Variants in BCKDK observed in about 807,000 individuals in gnomAD.
The protein encoded by BCKDK is branched-chain alpha-ketoacid dehydrogenase kinase.
BCKDK carries 28 observed loss-of-function variants against 43.9 expected under a neutral mutation model. The observed-to-expected ratio is 0.64, with a 90% CI of 0.47 to 0.87. The LOEUF (loss-of-function observed/expected upper bound fraction) is 0.87, where lower values mean the gene tolerates loss of function less well. BCKDK is among the 40% of genes least tolerant of loss of function. The pLI, the probability that BCKDK is intolerant of heterozygous loss-of-function variation, is 0.00. For synonymous variants in BCKDK, 257 were observed against 234.3 expected (o/e 1.10, Z -0.88); for missense variants, 483 against 581.4 (o/e 0.83, Z 1.74).
At position 31,112,429 on chromosome 16, in the gene BCKDK, C is replaced by A. The variant is rs1425360691; in HGVS notation, c.*164C>A. The A allele has an allele frequency of 3.4e-6, 4 of 1,189,228 alleles. No homozygotes were observed. The highest frequency in any genetic ancestry group is 4.8e-6 in the Non-Finnish European group (4 of 830,652). The allele number at this position is 1,189,228 out of a possible 1,614,324, so 73.7% of individuals were successfully genotyped here. ...GGAGCTGGGCACTGCCCTGCCTCAA[C>A]AGGGTCCATTGCCTCCTCGCCTCCA... On this transcript the variant is annotated 3_prime_UTR_variant, in exon 12 of 12. Coordinates refer to ENST00000219794, the MANE Select transcript of BCKDK (RefSeq NM_005881.4). The surrounding 1 kb of genome is among the most constrained non-coding windows in gnomAD (Gnocchi z 5.0).
chr16:31,110,494 G>A lies in BCKDK; in HGVS notation c.637G>A (p.Asp213Asn), dbSNP rs1419499919. ...CACGCATCACCTGGCGCTGCATGAG[G>A]ACAAGGTGGGGCTCTGGGACCTGAG... ...LATHHLALHE[D>N]KPDFVGIICT... Residue 213 changes from aspartate (D) to asparagine (N), a missense_variant, in exon 7 of 12, where the codon GAC (aspartate) becomes AAC (asparagine). Asp to Asn is a conservative substitution (Grantham distance 23). Transcript: ENST00000219794. The surrounding 1 kb of genome is among the most constrained non-coding windows in gnomAD (Gnocchi z 5.4). 6 of 1,613,648 alleles carry A rather than the reference G, an allele frequency of 3.7e-6. No homozygotes were observed. Among genetic ancestry groups the A allele is most frequent in the Non-Finnish European group, 5.1e-6 (6 of 1,179,998 alleles).
In BCKDK at chr16:31,112,038, G is replaced by A. The variant is rs1440171283; in HGVS notation, c.1094+11G>A. 3.1e-6 allele frequency: 5 copies of A among 1,613,920 alleles called. 1 individual carries two copies. Among genetic ancestry groups the A allele is most frequent in the South Asian group, 2.2e-5 (2 of 91,074 alleles). On this transcript the variant is annotated intron_variant, in intron 11 of 11. Transcript: ENST00000219794. The surrounding 1 kb of genome is among the most constrained non-coding windows in gnomAD (Gnocchi z 5.0). ...AGGACCCATGCACGGGTGAGACCCT[G>A]CCAGGCCAGGATGGAGGGGTGGGGG...
At position 31,109,591 on chromosome 16, in the gene BCKDK, G is replaced by A. The variant is rs774932677; in HGVS notation, c.264+12G>A. On this transcript the variant is annotated intron_variant, in intron 3 of 11. Coordinates refer to ENST00000219794, the MANE Select transcript of BCKDK (RefSeq NM_005881.4). The surrounding 1 kb of genome is among the most constrained non-coding windows in gnomAD (Gnocchi z 5.3). ...GCAGCCACCTTCTGGTAAGATTCACGCCCTCTATTTTCCTCGTGGATCCTG... is the reference window on the plus strand; with the variant it reads ...GCAGCCACCTTCTGGTAAGATTCACACCCTCTATTTTCCTCGTGGATCCTG... 4.3e-6 allele frequency: 7 copies of A among 1,613,878 alleles called. No individual in the cohort carries two copies. The highest frequency in any genetic ancestry group is 4.5e-5 in the East Asian group (2 of 44,890).
At chr16:31,116,849 G>A (rs1280438843), downstream of BCKDK, among the ~76,000 whole-genome samples, 1 of 148,770 alleles carries the variant, frequency 6.7e-6, no homozygotes, top group African/African-American at 2.5e-5. Context: ...CCCGGGAGGC[G>A]GAGGCTGCAG....
Position 31,110,404 on chromosome 16 carries a change from G to A in BCKDK, c.547G>A (p.Glu183Lys), listed in dbSNP as rs1465058655. Residue 183 changes from glutamate to lysine, a missense_variant, in exon 7 of 12, where the codon GAA (glutamate) becomes AAA (lysine). Glu to Lys is a moderately conservative substitution (Grantham distance 56, BLOSUM62 1). Transcript: ENST00000219794. This position sits in a 1 kb window ranked among gnomAD's most constrained non-coding sequence, Gnocchi z 5.4. ...TCTGAGACCTCACTCTTTACAGGAT[G>A]AAAAGCTCGTCCGCTACTTCTTGGA... is the stretch of plus-strand genomic sequence containing the variant. ...LRESRKHIEDEKLVRYFLDKT... is the reference protein window; with the variant it reads ...LRESRKHIEDKKLVRYFLDKT... 6.2e-7 allele frequency: 1 copy of A among 1,613,872 alleles called. No individual in the cohort carries two copies. Among genetic ancestry groups the A allele is most frequent in the East Asian group, 2.2e-5 (1 of 44,894 alleles).
At position 31,109,516 on chromosome 16, in the gene BCKDK, A is replaced by C; in HGVS notation, c.201A>C (p.Ser67=). The part of the protein sequence containing the change: ...SAIDAAAEKP[S]VRLTPTMMLY... ...AGGCCTCTCTCCCTCTCTAGCCCTCAGTCCGCCTAACGCCCACCATGATGC... is the reference window on the plus strand; with the variant it reads ...AGGCCTCTCTCCCTCTCTAGCCCTCCGTCCGCCTAACGCCCACCATGATGC... Residue 67 remains serine (S), a synonymous_variant, in exon 3 of 12, where the codon TCA becomes TCC. Coordinates refer to ENST00000219794, the MANE Select transcript of BCKDK (RefSeq NM_005881.4). The surrounding 1 kb of genome is among the most constrained non-coding windows in gnomAD (Gnocchi z 5.3). 2 of 1,614,104 alleles carry C rather than the reference A, an allele frequency of 1.2e-6. No individual in the cohort carries two copies. Among genetic ancestry groups the C allele is most frequent in the Non-Finnish European group, 1.7e-6 (2 of 1,180,022 alleles).
downstream of BCKDK, among the ~76,000 whole-genome samples, chr16:31,113,723 C>T (rs2057430580): frequency 6.6e-6 from 1 of 152,158 alleles, no homozygotes; most frequent in Non-Finnish European, 1.5e-5. Context: ...ATCCTTCCAC[C>T]CCAGCCTCCC....
intron 9 of BCKDK, 27 bp from the exon 10 acceptor site, chr16:31,111,273 A>C (rs1308040267): frequency 6.2e-7 from 1 of 1,614,072 alleles, no homozygotes; most frequent in East Asian, 2.2e-5. Context: ...GGGTGCTTGT[A>C]CCTACTGGTC....
rs758137216 is a variant in BCKDK, at chr16:31,111,858, C to A, written c.936-11C>A. The A allele has an allele frequency of 6.7e-5, 108 of 1,613,758 alleles. No homozygotes were observed. The highest frequency in any genetic ancestry group is 8.6e-5 in the Non-Finnish European group (101 of 1,179,878). ...GCTGAGCCAAGCCCATTGTTGTTGCCATCTTGCTAGGATCTCAGACCGTGG... is the reference window on the plus strand; with the variant it reads ...GCTGAGCCAAGCCCATTGTTGTTGCAATCTTGCTAGGATCTCAGACCGTGG... On this transcript the variant is annotated splice_polypyrimidine_tract_variant and intron_variant, in intron 10 of 11. Transcript: ENST00000219794.
chr16:31,114,335 C>T (rs1428302343), downstream of BCKDK, among the ~76,000 whole-genome samples: 1 of 146,750 alleles, frequency 6.8e-6, no homozygotes, highest in Non-Finnish European at 1.5e-5. Context: ...GCCTCAGCCT[C>T]CCGAGTAGCT....
Position 31,112,061 on chromosome 16 carries a change from G to A in BCKDK, c.1094+34G>A. On this transcript the variant is annotated intron_variant, in intron 11 of 11. Coordinates refer to ENST00000219794, the MANE Select transcript of BCKDK (RefSeq NM_005881.4). The surrounding 1 kb of genome is among the most constrained non-coding windows in gnomAD (Gnocchi z 5.0). ...CTGCCAGGCCAGGATGGAGGGGTGGGGGACCCCAGGAGACTCAAGCCTCTG... is the reference window on the plus strand; with the variant it reads ...CTGCCAGGCCAGGATGGAGGGGTGGAGGACCCCAGGAGACTCAAGCCTCTG... The A allele has an allele frequency of 6.2e-7, 1 of 1,612,746 alleles. No individual in the cohort carries two copies.
chr16:31,116,226 T>C (rs2057444971), downstream of BCKDK, among the ~76,000 whole-genome samples: 2 of 150,230 alleles, frequency 1.3e-5, no homozygotes, highest in Middle Eastern at 7.0e-3. Flanking sequence ...TTTTTATTTT[T>C]TTTGAGATGG....
rs891760155 is a variant in BCKDK, at chr16:31,109,810, CG to C, written c.375+30del. The C allele has an allele frequency of 1.2e-6, 2 of 1,606,004 alleles. No individual in the cohort carries two copies. The highest frequency in any genetic ancestry group is 2.7e-5 in the African/African-American group (2 of 74,722). ...TAAGGTAGAGAGGACCTTAGGTCAGCGGGCCACCCTGCCCCGGGGGCAAGTG... is the reference window on the plus strand; with the variant it reads ...TAAGGTAGAGAGGACCTTAGGTCAGCGGCCACCCTGCCCCGGGGGCAAGTG... On this transcript the variant is annotated intron_variant, in intron 4 of 11. Transcript: ENST00000219794. This position sits in a 1 kb window ranked among gnomAD's most constrained non-coding sequence, Gnocchi z 5.3.
At chr16:31,116,234 T>G (rs2057445060), downstream of BCKDK, among the ~76,000 whole-genome samples, 1 of 147,518 alleles carries the variant, frequency 6.8e-6, no homozygotes, top group East Asian at 2.0e-4. Flanking sequence ...TTTTTTGAGA[T>G]GGAGTCTGGC....
Position 31,111,130 on chromosome 16 carries a change from C to A in BCKDK, c.756C>A (p.Val252=), listed in dbSNP as rs780954407. Residue 252 remains valine (V), a synonymous_variant, in exon 9 of 12, where the codon GTC becomes GTA. Transcript: ENST00000219794. ...CEHKYGNAPR[V]RINGHVAARF... ...ACAAGTATGGCAATGCGCCCCGTGT[C>A]CGCATCAATGGCCATGTGGCTGCCC... 1 of 1,614,194 alleles carries A rather than the reference C, an allele frequency of 6.2e-7. No individual in the cohort carries two copies. Among genetic ancestry groups the A allele is most frequent in the South Asian group, 1.1e-5 (1 of 91,078 alleles).
Position 31,110,136 on chromosome 16 carries a change from G to C in BCKDK, c.423+12G>C. 1 of 1,614,188 alleles carries C rather than the reference G, an allele frequency of 6.2e-7. No homozygotes were observed. Among genetic ancestry groups the C allele is most frequent in the Non-Finnish European group, 8.5e-7 (1 of 1,180,036 alleles). On this transcript the variant is annotated intron_variant, in intron 5 of 11. Coordinates refer to ENST00000219794, the MANE Select transcript of BCKDK (RefSeq NM_005881.4). This position sits in a 1 kb window ranked among gnomAD's most constrained non-coding sequence, Gnocchi z 5.4. ...CAGACTTCCCTCCGGTGAGTGCTGG[G>C]CCAGAGCAGGGTGAGGGGCTGAGAG...
chr16:31,112,445 C>A lies in BCKDK; in HGVS notation c.*180C>A. On this transcript the variant is annotated 3_prime_UTR_variant, in exon 12 of 12. Coordinates refer to ENST00000219794, the MANE Select transcript of BCKDK (RefSeq NM_005881.4). This position sits in a 1 kb window ranked among gnomAD's most constrained non-coding sequence, Gnocchi z 5.0. ...CTGCCTCAACAGGGTCCATTGCCTC[C>A]TCGCCTCCAGAACTTGGAGCAGGGA... 1 of 1,014,868 alleles carries A rather than the reference C, an allele frequency of 9.9e-7. No individual in the cohort carries two copies. Among genetic ancestry groups the A allele is most frequent in the Non-Finnish European group, 1.5e-6 (1 of 675,614 alleles). 62.9% of individuals were successfully genotyped at this position (1,014,868 alleles called of 1,614,324 possible). A position where few individuals can be genotyped will look rare whatever the true frequency, so the allele number is the denominator to read the frequency against.
In BCKDK at chr16:31,110,152, G is replaced by C. The variant is rs747606320; in HGVS notation, c.423+28G>C. 6.2e-7 allele frequency: 1 copy of C among 1,614,188 alleles called. No homozygotes were observed. The highest frequency in any genetic ancestry group is 1.1e-5 in the South Asian group (1 of 91,086). ...GAGTGCTGGGCCAGAGCAGGGTGAG[G>C]GGCTGAGAGGTTGGGCTTGGACCAC... On this transcript the variant is annotated intron_variant, in intron 5 of 11. Transcript: ENST00000219794. The surrounding 1 kb of genome is among the most constrained non-coding windows in gnomAD (Gnocchi z 5.4).
Position 31,109,052 on chromosome 16 carries a change from A to G in BCKDK, c.-172A>G, listed in dbSNP as rs888106609. 1.5e-5 allele frequency: 8 copies of G among 542,010 alleles called. No homozygotes were observed. Among genetic ancestry groups the G allele is most frequent in the Admixed American group, 7.3e-5 (2 of 27,296 alleles). The allele number at this position is 542,010 out of a possible 1,614,324, so 33.6% of individuals were successfully genotyped here. A position where few individuals can be genotyped will look rare whatever the true frequency, so the allele number is the denominator to read the frequency against. On this transcript the variant is annotated 5_prime_UTR_variant, in exon 2 of 12. Coordinates refer to ENST00000219794, the MANE Select transcript of BCKDK (RefSeq NM_005881.4). The surrounding 1 kb of genome is among the most constrained non-coding windows in gnomAD (Gnocchi z 5.3). Reference sequence around the variant, plus strand: ...CCTCTTCCCCGCCCCGGTAGATGGGAGCTGCTCTCCGCGGGCTGAGCCTGT... The same window carrying G: ...CCTCTTCCCCGCCCCGGTAGATGGGGGCTGCTCTCCGCGGGCTGAGCCTGT...
Sources: gnomAD v4.1 joint callset for allele counts (sites outside exome capture counted in the v4.1 genomes callset) on GRCh38, gnomAD v4.1.1 for gene constraint, Gnocchi (gnomAD v3.1) non-coding constraint, MANE v1.5 for transcripts, NCBI Gene and HGNC (gene_info 2026-07-23, HGNC 2026-07-21) for gene names.